Variants in DOCK4 observed in about 807,000 individuals in gnomAD.
DOCK4 encodes dedicator of cytokinesis 4.
DOCK4 carries 97 observed loss-of-function variants against 268.1 expected under a neutral mutation model. That is an observed-to-expected ratio of 0.36 (90% CI 0.31 to 0.43). The LOEUF is 0.43. Ranked by LOEUF, DOCK4 falls within the 20% of genes least tolerant of loss-of-function variation. The probability of loss-of-function intolerance (pLI) is 1.00; values close to 1 mark genes in which losing one functional copy is unlikely to be tolerated. For synonymous variants in DOCK4, 954 were observed against 887.2 expected, an observed-to-expected ratio of 1.08 and a Z score of -1.34; for missense variants, 2,145 against 2,455.7, an observed-to-expected ratio of 0.87 and a Z score of 2.67.
chr7:112,144,203 G>C (rs1043101710), intron 1 of DOCK4, among the ~76,000 whole-genome samples: 2 of 152,160 alleles, frequency 1.3e-5, no homozygotes, highest in African/African-American at 4.8e-5. Context: ...ATGGACACAA[G>C]AGACATAATC....
intron 39 of DOCK4, 33 bp downstream of exon 39, chr7:111,765,085 C>A (rs1400529010): frequency 9.3e-7 from 1 of 1,075,554 alleles, no homozygotes; most frequent in Non-Finnish European, 1.3e-6. Context: ...TATATGAGAG[C>A]TGTGAAAGCA....
At chr7:112,150,162 G>C (rs1435595443) in intron 1 of DOCK4, among the ~76,000 whole-genome samples, 1 of 152,172 alleles carries the variant, frequency 6.6e-6, no homozygotes, top group Non-Finnish European at 1.5e-5. Context: ...CTCATGCTTT[G>C]AAATGCTTTT....
chr7:111,910,427 C>T (rs1791998154), intron 13 of DOCK4, among the ~76,000 whole-genome samples: 1 of 152,162 alleles, frequency 6.6e-6, no homozygotes, highest in South Asian at 2.1e-4. Context: ...ATGTGACTCG[C>T]TGAAAAGAGA....
chr7:111,747,921 C>T (rs1298763179), intron 42 of DOCK4, among the ~76,000 whole-genome samples: 1 of 152,082 alleles, frequency 6.6e-6, no homozygotes, highest in African/African-American at 2.4e-5. Context: ...ACATATGCCA[C>T]ATGAACCTCA....
intron 23 of DOCK4, among the ~76,000 whole-genome samples, chr7:111,862,482 CTTTTTTTTTT>C (rs1168060750): frequency 1.4e-4 from 12 of 83,382 alleles, no homozygotes; most frequent in African/African-American, 2.6e-4. Flanking sequence ...GAAAATCATT[CTTTTTTTTTT>C]TTTTTTTTTT....
intron 30 of DOCK4, among the ~76,000 whole-genome samples, chr7:111,798,613 C>G (rs113634536): frequency 6.6e-6 from 1 of 152,188 alleles, no homozygotes; most frequent in Non-Finnish European, 1.5e-5. Flanking sequence ...ACTGTTTACA[C>G]CCCACATACT....
chr7:112,007,518 G>T (rs534692664), intron 1 of DOCK4, among the ~76,000 whole-genome samples: 1 of 152,126 alleles, frequency 6.6e-6, no homozygotes, highest in Non-Finnish European at 1.5e-5. Context: ...TTCTAAAATG[G>T]CAAGTCACTC....
intron 32 of DOCK4, among the ~76,000 whole-genome samples, chr7:111,785,945 G>C (rs1181940781): frequency 6.6e-6 from 1 of 152,138 alleles, no homozygotes; most frequent in Non-Finnish European, 1.5e-5. Flanking sequence ...AAAGAAATCT[G>C]TGTGTGTGTC....
intron 1 of DOCK4, among the ~76,000 whole-genome samples, chr7:112,148,363 C>G (rs1438381181): frequency 1.3e-5 from 2 of 152,152 alleles, no homozygotes; most frequent in Non-Finnish European, 2.9e-5. Flanking sequence ...CTTTGGAAAG[C>G]TGGTGAAGCT....
At chr7:111,951,555 C>T (rs1046192833) in intron 8 of DOCK4, among the ~76,000 whole-genome samples, 26 of 151,246 alleles carry the variant, frequency 1.7e-4, no homozygotes, top group African/African-American at 4.9e-4. Context: ...TACTGGTAAT[C>T]TCAGCACTTT....
intron 20 of DOCK4, among the ~76,000 whole-genome samples, chr7:111,870,387 G>A (rs1586224706): frequency 7.2e-6 from 1 of 139,364 alleles, no homozygotes; most frequent in East Asian, 2.1e-4. Flanking sequence ...GCAGTGGCTT[G>A]GCTCACCGCA....
chr7:111,976,155 A>ATAT (rs1378581490), intron 8 of DOCK4, among the ~76,000 whole-genome samples: 8 of 73,492 alleles, frequency 1.1e-4, no homozygotes, highest in African/African-American at 5.2e-4. Context: ...AAAAAAAAAA[A>ATAT]AAAAAAATAT....
At chr7:111,741,886 T>G in intron 45 of DOCK4, 127 bp downstream of exon 45, 3 of 1,345,138 alleles carry the variant, frequency 2.2e-6, no homozygotes, top group Non-Finnish European at 3.0e-6. Flanking sequence ...ATTTGAGGGC[T>G]CCCTGGTAAA....
At chr7:111,878,111 C>T (rs2134270955) in intron 16 of DOCK4, among the ~76,000 whole-genome samples, 1 of 152,198 alleles carries the variant, frequency 6.6e-6, no homozygotes, top group South Asian at 2.1e-4. Context: ...GGGAAGAAAC[C>T]AGAGAATCCA....
chr7:111,863,612 A>T, intron 22 of DOCK4, 48 bp from the exon 23 acceptor site: 1 of 1,508,868 alleles, frequency 6.6e-7, no homozygotes, highest in South Asian at 1.3e-5. Flanking sequence ...ACGCCATGAG[A>T]AATATGCTGC....
At chr7:111,752,891 G>A (rs1050749286) in intron 42 of DOCK4, among the ~76,000 whole-genome samples, 2 of 150,838 alleles carry the variant, frequency 1.3e-5, no homozygotes, top group Non-Finnish European at 2.9e-5. Flanking sequence ...CAGCTGAAAT[G>A]AGCTAATTTT....
chr7:111,862,243 G>A (rs1805598150), intron 23 of DOCK4, among the ~76,000 whole-genome samples: 1 of 151,934 alleles, frequency 6.6e-6, no homozygotes, highest in South Asian at 2.1e-4. Context: ...AAGTTGCAGT[G>A]AGCCAAGATC....
In DOCK4 at chr7:111,897,681, C is replaced by G. The variant is rs562514218; in HGVS notation, c.1481-1963G>C. Among the ~76,000 whole-genome samples, 261 of 152,260 alleles carry G rather than the reference C, an allele frequency of 1.7e-3. 2 individuals are homozygous for G. Among genetic ancestry groups the G allele is most frequent in the African/African-American group, 6.1e-3 (254 of 41,548 alleles). ...TACAGTTCAGGGATCCTCCCCACCC[C>G]CCAGTGCTGGCTCAGTAGACCAACC... On this transcript the variant is annotated intron_variant, in intron 15 of 52. Coordinates refer to ENST00000428084, the MANE Select transcript of DOCK4 (RefSeq NM_001363540.2).
At chr7:112,027,249 G>C (rs1802882018) in intron 1 of DOCK4, among the ~76,000 whole-genome samples, 1 of 152,238 alleles carries the variant, frequency 6.6e-6, no homozygotes, top group Non-Finnish European at 1.5e-5. Flanking sequence ...TTTTGAGAGA[G>C]AGTCTCGCTT....
Sources: allele counts gnomAD v4.1 joint callset (sites outside exome capture counted in the v4.1 genomes callset), GRCh38; gene constraint gnomAD v4.1.1; transcripts MANE v1.5; gene names NCBI Gene and HGNC (gene_info 2026-07-23, HGNC 2026-07-21).